The following SCHIP1 variants were observed in gnomAD, a reference collection of about 807,000 sequenced individuals.
The protein encoded by SCHIP1 is schwannomin interacting protein 1.
SCHIP1 carries 8 observed loss-of-function variants against 29.7 expected under a neutral mutation model. The ratio of observed to expected loss-of-function variants is 0.27; its 90% CI spans 0.16 to 0.49. The LOEUF is 0.49. SCHIP1 is among the 20% of genes least tolerant of loss of function. The probability of loss-of-function intolerance (pLI) is 0.99; values close to 1 mark genes in which losing one functional copy is unlikely to be tolerated. For missense variants in SCHIP1, 193 were observed against 294.6 expected (o/e 0.66, Z 2.52); for synonymous variants, 76 against 94.9 (o/e 0.80, Z 1.16).
chr3:159,661,980 C>T, the SCHIP1 span, among the ~76,000 whole-genome samples: 3 of 152,152 alleles, frequency 2.0e-5, no homozygotes, highest in African/African-American at 7.2e-5. Flanking sequence ...ATCTTTTCCA[C>T]CAGTTTTAAG....
chr3:159,393,881 T>C, the SCHIP1 span, among the ~76,000 whole-genome samples: 1 of 152,198 alleles, frequency 6.6e-6, no homozygotes, highest in East Asian at 1.9e-4. Flanking sequence ...GGGGATGGCA[T>C]TGAATCTGTA....
At chr3:159,727,681 T>C in the SCHIP1 span, among the ~76,000 whole-genome samples, 5 of 152,222 alleles carry the variant, frequency 3.3e-5, no homozygotes, top group South Asian at 1.0e-3. Flanking sequence ...TTTCCTGAGC[T>C]AGTGTGGGTC....
At chr3:159,650,147 C>T in the SCHIP1 span, among the ~76,000 whole-genome samples, 1 of 152,064 alleles carries the variant, frequency 6.6e-6, no homozygotes, top group African/African-American at 2.4e-5. Flanking sequence ...CTATCCAGGA[C>T]AGATGGTATT....
chr3:159,392,296 T>G, the SCHIP1 span, among the ~76,000 whole-genome samples: 1 of 152,286 alleles, frequency 6.6e-6, no homozygotes, highest in East Asian at 1.9e-4. Context: ...GAAAATGTTC[T>G]TGCCAGCACT....
chr3:159,528,048 A>T, the SCHIP1 span, among the ~76,000 whole-genome samples: 1 of 152,224 alleles, frequency 6.6e-6, no homozygotes, highest in Admixed American at 6.5e-5. Context: ...AAAATGCCTA[A>T]TGATGTGCTA....
the SCHIP1 span, among the ~76,000 whole-genome samples, chr3:159,277,379 G>A: frequency 6.6e-6 from 1 of 151,976 alleles, no homozygotes; most frequent in Admixed American, 6.6e-5. Flanking sequence ...ATACAAATTT[G>A]CTTATGTTTC....
At chr3:159,590,352 G>A in the SCHIP1 span, among the ~76,000 whole-genome samples, 2 of 152,090 alleles carry the variant, frequency 1.3e-5, no homozygotes, top group Non-Finnish European at 2.9e-5. Flanking sequence ...AAGGTGGGAG[G>A]AACACTTGAG....
At chr3:159,295,435 G>GTCAA in the SCHIP1 span, among the ~76,000 whole-genome samples, 50 of 151,500 alleles carry the variant, frequency 3.3e-4, 1 homozygote, top group South Asian at 1.0e-3. Flanking sequence ...TCTCACAAAA[G>GTCAA]TCAATCAATC....
the SCHIP1 span, among the ~76,000 whole-genome samples, chr3:159,550,977 TTTA>T: frequency 1.3e-5 from 2 of 152,214 alleles, no homozygotes; most frequent in Non-Finnish European, 2.9e-5. Flanking sequence ...ATGAGATCTT[TTTA>T]TTATGTTATT....
At chr3:159,376,435 TC>T in the SCHIP1 span, among the ~76,000 whole-genome samples, 1 of 152,030 alleles carries the variant, frequency 6.6e-6, no homozygotes, top group Admixed American at 6.6e-5. Context: ...GCCACCTGCC[TC>T]CCCCCAAAAA....
the SCHIP1 span, among the ~76,000 whole-genome samples, chr3:159,810,968 T>C: frequency 6.6e-6 from 1 of 152,234 alleles, no homozygotes; most frequent in Non-Finnish European, 1.5e-5. Flanking sequence ...TATCAAAAAT[T>C]ATTTTGTCTT....
At chr3:159,749,265 C>T in the SCHIP1 span, among the ~76,000 whole-genome samples, 2 of 151,774 alleles carry the variant, frequency 1.3e-5, no homozygotes, top group Non-Finnish European at 2.9e-5. Context: ...TCACCTGAGC[C>T]CAAGAAGGTC....
the SCHIP1 span, among the ~76,000 whole-genome samples, chr3:159,628,443 G>T: frequency 2.6e-5 from 4 of 152,252 alleles, no homozygotes; most frequent in Non-Finnish European, 2.9e-5. Context: ...AAGAAAAACA[G>T]AAAATGGAAG....
chr3:159,399,401 T>C, the SCHIP1 span, among the ~76,000 whole-genome samples: 1 of 152,128 alleles, frequency 6.6e-6, no homozygotes, highest in African/African-American at 2.4e-5. Context: ...GAAAGGAAGG[T>C]CCATATGGGC....
At chr3:159,633,640 A>G in the SCHIP1 span, among the ~76,000 whole-genome samples, 6 of 152,234 alleles carry the variant, frequency 3.9e-5, no homozygotes. Context: ...TTTAATATGA[A>G]ATTTTCTACC....
intron 2 of SCHIP1, among the ~76,000 whole-genome samples, chr3:159,880,903 A>G (rs534151600): frequency 1.3e-5 from 2 of 152,350 alleles, no homozygotes; most frequent in African/African-American, 4.8e-5. Flanking sequence ...ATTGTGAGGC[A>G]GAAACTTTTC....
intron 2 of SCHIP1, among the ~76,000 whole-genome samples, chr3:159,879,358 T>C (rs551402224): frequency 6.6e-6 from 1 of 152,256 alleles, no homozygotes; most frequent in Non-Finnish European, 1.5e-5. Context: ...AGACGGACTT[T>C]CCTAAAGTAT....
chr3:159,283,402 C>CTT, the SCHIP1 span, among the ~76,000 whole-genome samples: 2 of 152,140 alleles, frequency 1.3e-5, no homozygotes, highest in Non-Finnish European at 2.9e-5. Context: ...ATCCGCCGCC[C>CTT]GCCTTGGCCT....
the SCHIP1 span, among the ~76,000 whole-genome samples, chr3:159,710,014 T>G: frequency 3.6e-3 from 550 of 152,342 alleles, 3 homozygotes; most frequent in African/African-American, 0.013. Flanking sequence ...TACAGTCATT[T>G]TGGAAAATAA....
Sources: gnomAD v4.1 joint callset for allele counts (sites outside exome capture counted in the v4.1 genomes callset) on GRCh38, gnomAD v4.1.1 for gene constraint, MANE v1.5 for transcripts, NCBI Gene and HGNC (gene_info 2026-07-23, HGNC 2026-07-21) for gene names.